PTBP2: variants seen among roughly 807,000 people sequenced by gnomAD.
PTBP2 encodes polypyrimidine tract binding protein 2.
Under a neutral mutation model 61.4 loss-of-function variants are expected in PTBP2, and 13 were observed. That is an observed-to-expected ratio of 0.21 (90% CI 0.14 to 0.34). The LOEUF is 0.34. PTBP2 is among the 10% of genes least tolerant of loss of function. The pLI, the probability that PTBP2 is intolerant of heterozygous loss-of-function variation, is 1.00. For missense variants in PTBP2, 405 were observed against 642.6 expected (o/e 0.63, Z 4.00); for synonymous variants, 215 against 218.5 (o/e 0.98, Z 0.14).
chr1:96,813,338 A>G lies in PTBP2; in HGVS notation c.1529A>G (p.Asp510Gly). ...GAAGAAGCTATTCAGGCCTTGATTG[A>G]TCTTCATAATTATAACCTTGGAGAA... ...TVEEAIQALI[D>G]LHNYNLGENH... Residue 510 changes from aspartate to glycine, a missense_variant, in exon 14 of 14, where the codon GAT becomes GGT. By Grantham distance (94) the Asp-to-Gly change is moderately conservative. Transcript: ENST00000674951. 1 of 1,607,528 alleles carries G rather than the reference A, an allele frequency of 6.2e-7. No individual in the cohort carries two copies.
At chr1:96,759,837 C>A (rs544944105) in intron 3 of PTBP2, among the ~76,000 whole-genome samples, 1 of 151,986 alleles carries the variant, frequency 6.6e-6, no homozygotes, top group Non-Finnish European at 1.5e-5. Context: ...CGAGACTGGG[C>A]GGGCAATTTA....
intron 3 of PTBP2, among the ~76,000 whole-genome samples, chr1:96,763,570 AAG>A (rs914475317): frequency 2.8e-4 from 33 of 118,442 alleles, no homozygotes; most frequent in African/African-American, 7.4e-4. Context: ...AGACTGTGGA[AAG>A]AGAGGGAGAG....
intron 3 of PTBP2, among the ~76,000 whole-genome samples, chr1:96,764,904 C>G (rs1656489187): frequency 6.6e-6 from 1 of 152,152 alleles, no homozygotes; most frequent in Non-Finnish European, 1.5e-5. Context: ...TTGACAACTA[C>G]ACCACACAAC....
At chr1:96,739,492 A>G (rs370415362) in intron 2 of PTBP2, among the ~76,000 whole-genome samples, 2 of 150,786 alleles carry the variant, frequency 1.3e-5, no homozygotes, top group African/African-American at 2.4e-5. Context: ...CCAGCATTCT[A>G]TTTTCTGTGT....
chr1:96,753,019 T>C (rs1232586892), intron 3 of PTBP2, among the ~76,000 whole-genome samples: 1 of 152,156 alleles, frequency 6.6e-6, no homozygotes, highest in African/African-American at 2.4e-5. Flanking sequence ...GTGTCAGGGC[T>C]GCCCAATCAT....
intron 3 of PTBP2, among the ~76,000 whole-genome samples, chr1:96,768,186 A>G (rs1024908556): frequency 6.6e-6 from 1 of 152,088 alleles, no homozygotes; most frequent in African/African-American, 2.4e-5. Context: ...TATCTGGTTC[A>G]GGTACTAGTT....
exon 14 of PTBP2, chr1:96,821,421 A>G (rs940642232): frequency 3.3e-5 from 5 of 151,886 alleles, no homozygotes; most frequent in Non-Finnish European, 7.4e-5. Flanking sequence ...AGTTAAGAAG[A>G]GGTTGGTTTC....
At chr1:96,794,781 A>AT (rs1660197338) in intron 8 of PTBP2, among the ~76,000 whole-genome samples, 2 of 152,172 alleles carry the variant, frequency 1.3e-5, no homozygotes, top group Non-Finnish European at 2.9e-5. Flanking sequence ...CAACAAAAGG[A>AT]GAAATTGGGA....
chr1:96,783,536 C>T lies in PTBP2; in HGVS notation c.709-1523C>T, dbSNP rs140661512. 3.1e-3 allele frequency among the ~76,000 whole-genome samples: 474 copies of T among 152,142 alleles called. 3 individuals are homozygous for T. Among genetic ancestry groups the T allele is most frequent in the Middle Eastern group, 0.027 (8 of 294 alleles). On this transcript the variant is annotated intron_variant, in intron 7 of 13. Transcript: ENST00000674951. ...TGTGTTTAGTAATTTTGTATCAGCA[C>T]TTTTAGCATTAACCTAGATACTGTG...
chr1:96,786,426 G>T (rs1557753130), intron 8 of PTBP2, among the ~76,000 whole-genome samples: 1 of 152,098 alleles, frequency 6.6e-6, no homozygotes, highest in Non-Finnish European at 1.5e-5. Flanking sequence ...ACTCTTTCCT[G>T]ACAGAATCTC....
In PTBP2 at chr1:96,724,945, C is replaced by T. The variant is rs574484334; in HGVS notation, c.39+1351C>T. ...CTGTGTTTTCTTGCTTATTTTCTGTCCTCTTTCCTATAGTGAAATAGATAT... is the reference window on the plus strand; with the variant it reads ...CTGTGTTTTCTTGCTTATTTTCTGTTCTCTTTCCTATAGTGAAATAGATAT... On this transcript the variant is annotated intron_variant, in intron 2 of 13. Transcript: ENST00000674951. 2.6e-5 allele frequency among the ~76,000 whole-genome samples: 4 copies of T among 152,154 alleles called. No individual in the cohort carries two copies. In the South Asian group the frequency reaches 6.2e-4, roughly 24 times the overall value.
chr1:96,789,036 T>C (rs1021228647), intron 8 of PTBP2, among the ~76,000 whole-genome samples: 1 of 152,098 alleles, frequency 6.6e-6, no homozygotes, highest in African/African-American at 2.4e-5. Context: ...TGAGACATCA[T>C]TATAATGGAT....
At chr1:96,770,683 A>G in intron 4 of PTBP2, 25 bp from the exon 5 acceptor site, 3 of 1,587,874 alleles carry the variant, frequency 1.9e-6, no homozygotes, top group Non-Finnish European at 2.6e-6. Flanking sequence ...TATAGTATTA[A>G]AAATTGTGCT....
At chr1:96,782,723 T>A (rs192979820) in intron 7 of PTBP2, among the ~76,000 whole-genome samples, 11 of 151,932 alleles carry the variant, frequency 7.2e-5, no homozygotes, top group African/African-American at 2.2e-4. Flanking sequence ...TTTCTCTCAG[T>A]GTGTGTTAAA....
At chr1:96,793,082 A>G (rs1660017789) in intron 8 of PTBP2, among the ~76,000 whole-genome samples, 2 of 152,318 alleles carry the variant, frequency 1.3e-5, no homozygotes, top group South Asian at 2.1e-4. Context: ...TAAATCAGAA[A>G]TACTTGGTTA....
At chr1:96,753,440 A>T (rs1654808147) in intron 3 of PTBP2, among the ~76,000 whole-genome samples, 1 of 152,152 alleles carries the variant, frequency 6.6e-6, no homozygotes, top group Admixed American at 6.6e-5. Flanking sequence ...CCAGTAACTG[A>T]TGAAGGATTA....
At chr1:96,798,758 GAACT>G (rs1660650342) in intron 8 of PTBP2, among the ~76,000 whole-genome samples, 1 of 152,174 alleles carries the variant, frequency 6.6e-6, no homozygotes, top group South Asian at 2.1e-4. Context: ...TTAATTGCAA[GAACT>G]AATAAATTGT....
rs1652236187 is a variant in PTBP2, at chr1:96,736,673, C to T, written c.39+13079C>T. Among the ~76,000 whole-genome samples, 4 of 151,854 alleles carry T rather than the reference C, an allele frequency of 2.6e-5. No homozygotes were observed. In the South Asian group the frequency reaches 6.2e-4, roughly 24 times the overall value. On this transcript the variant is annotated intron_variant, in intron 2 of 13. Transcript: ENST00000674951. The stretch of plus-strand genomic sequence containing the variant: ...AAATGAAATACATTATGTGTGTTGC[C>T]TTTTCCTCTTTTTTCCTTTCCTTTT...
chr1:96,737,594 A>G (rs562636816), intron 2 of PTBP2, among the ~76,000 whole-genome samples: 30 of 152,240 alleles, frequency 2.0e-4, no homozygotes, highest in Non-Finnish European at 3.8e-4. Flanking sequence ...AAAGAGTGGC[A>G]TTGTTTTTGT....
Sources: allele counts gnomAD v4.1 joint callset (sites outside exome capture counted in the v4.1 genomes callset), GRCh38; gene constraint gnomAD v4.1.1; transcripts MANE v1.5; gene names NCBI Gene and HGNC (gene_info 2026-07-23, HGNC 2026-07-21).